The following OSGEPL1 variants were observed in gnomAD, a reference collection of about 807,000 sequenced individuals.
The protein encoded by OSGEPL1 is O-sialoglycoprotein endopeptidase like 1.
Under a neutral mutation model 37.2 loss-of-function variants are expected in OSGEPL1, and 26 were observed. That is an observed-to-expected ratio of 0.70 (90% CI 0.51 to 0.97). The LOEUF is 0.97. Among genes scored for constraint, OSGEPL1 ranks in the 50% least tolerant of loss-of-function variants. The pLI is 0.00. For synonymous variants in OSGEPL1, 140 were observed against 159.9 expected (o/e 0.88, Z 0.94); for missense variants, 404 against 487.0 (o/e 0.83, Z 1.60).
rs769668602 is a variant in OSGEPL1 at position 189,752,662 on chromosome 2, T to C, written c.1157A>G (p.Tyr386Cys). The part of the protein sequence containing the change: ...GILHDIEGIR[Y>C]EPKCPLGVDI... ...GAATGATACCACATACTTTGGTTCA[T>C]AGCGGATGCCTTCTATGTCATGTAA... The change falls in exon 7 of 9, where the codon TAT becomes TGT. Residue 386 changes from tyrosine to cysteine, a missense_variant. Tyr to Cys is a radical substitution (Grantham distance 194). Coordinates refer to ENST00000264151, the MANE Select transcript of OSGEPL1 (RefSeq NM_022353.3). 3 of 1,613,758 alleles carry C rather than the reference T, an allele frequency of 1.9e-6. No homozygotes were observed. Among genetic ancestry groups the C allele is most frequent in the South Asian group, 1.1e-5 (1 of 91,078 alleles).
chr2:189,759,063 C>G (rs1318051265), intron 2 of OSGEPL1, among the ~76,000 whole-genome samples: 1 of 152,158 alleles, frequency 6.6e-6, no homozygotes, highest in Non-Finnish European at 1.5e-5. Flanking sequence ...CCTTGTAGGT[C>G]TAGACATCAT....
rs1240051777 is a variant in OSGEPL1 at position 189,747,057 on chromosome 2, T to C, written c.*140A>G. 2 of 154,564 alleles carry C rather than the reference T, an allele frequency of 1.3e-5. No homozygotes were observed. The highest frequency in any genetic ancestry group is 1.9e-4 in the East Asian group (1 of 5,318). The allele number at this position is 154,564 out of a possible 1,614,324, so 9.6% of individuals were successfully genotyped here. A position where few individuals can be genotyped will look rare whatever the true frequency, so the allele number is the denominator to read the frequency against. ...TGTATACCTTAAGAAACATTTTGGC[T>C]AGGCATGGTGGCTCACACCCATAAT... On this transcript the variant is annotated 3_prime_UTR_variant, in exon 9 of 9. Coordinates refer to ENST00000264151, the MANE Select transcript of OSGEPL1 (RefSeq NM_022353.3).
At chr2:189,756,145 G>A (rs776319348) in intron 2 of OSGEPL1, among the ~76,000 whole-genome samples, 22 of 152,146 alleles carry the variant, frequency 1.4e-4, no homozygotes, top group Non-Finnish European at 2.8e-4. Context: ...TAAAGACGAC[G>A]AGTTTATTTT....
At chr2:189,760,698 GGGGAATC>G (rs2046913067) in intron 2 of OSGEPL1, among the ~76,000 whole-genome samples, 3 of 91,508 alleles carry the variant, frequency 3.3e-5, no homozygotes, top group African/African-American at 1.6e-4. Flanking sequence ...GGCTGAGACA[GGGGAATC>G]GTTTGAACTC....
chr2:189,760,079 G>A lies in OSGEPL1; in HGVS notation c.221+1341C>T, dbSNP rs183123398. On this transcript the variant is annotated intron_variant, in intron 2 of 8. Coordinates refer to ENST00000264151, the MANE Select transcript of OSGEPL1 (RefSeq NM_022353.3). ...TCAGAGAGCACGGGGTTGGGGGTAA[G>A]GTTATAGATCAACAGCATCCCAAGG... Among the ~76,000 whole-genome samples the A allele has an allele frequency of 1.4e-4, 22 of 152,274 alleles. No homozygotes were observed. In the East Asian group the frequency reaches 4.1e-3, roughly 28 times the overall value.
At chr2:189,751,890 C>T (rs1021382841) in intron 7 of OSGEPL1, among the ~76,000 whole-genome samples, 1 of 151,660 alleles carries the variant, frequency 6.6e-6, no homozygotes, top group South Asian at 2.1e-4. Flanking sequence ...TCACACCTGT[C>T]ATCCCAGCAT....
rs761943403 is a variant in OSGEPL1 at position 189,752,704 on chromosome 2, C to G, written c.1115G>C (p.Arg372Pro). The change falls in exon 7 of 9, where the codon CGT becomes CCT. Residue 372 changes from arginine (R) to proline (P), a missense_variant. By Grantham distance (103) the Arg-to-Pro change is moderately radical. Coordinates refer to ENST00000264151, the MANE Select transcript of OSGEPL1 (RefSeq NM_022353.3). ...GTCATGTAAAATGCCCAAGCCAGCA[C>G]GTAGTCTTTCAATACCATTCCTAAA... ...MIAWNGIERL[R>P]AGLGILHDIE... is the part of the protein sequence containing the mutation. 1 of 1,613,820 alleles carries G rather than the reference C, an allele frequency of 6.2e-7. No homozygotes were observed.
Position 189,750,566 on chromosome 2 carries a change from G to T in OSGEPL1, c.*12C>A. Reference sequence around the variant, plus strand: ...TAATACTACCTTTAGGGACTTTTTTGAACAGCAGAAATCATATCTCCATTT... The same window carrying T: ...TAATACTACCTTTAGGGACTTTTTTTAACAGCAGAAATCATATCTCCATTT... On this transcript the variant is annotated 3_prime_UTR_variant, in exon 8 of 9. Transcript: ENST00000264151. The T allele has an allele frequency of 1.3e-6, 2 of 1,482,500 alleles. No individual in the cohort carries two copies. Among genetic ancestry groups the T allele is most frequent in the Non-Finnish European group, 1.9e-6 (2 of 1,078,190 alleles). 91.8% of individuals were successfully genotyped at this position (1,482,500 alleles called of 1,614,324 possible).
In OSGEPL1 at chr2:189,761,469, C is replaced by T. The variant is rs543231706; in HGVS notation, c.172G>A (p.Gly58Arg). ...TGTATTGCTTCTCCCAACACATTTC[C>T]AGTTTCATCCACCACAGCAGCTGCT... The part of the protein sequence containing the change: ...DTAAAVVDET[G>R]NVLGEAIHSQ... Residue 58 changes from glycine to arginine, a missense_variant, in exon 2 of 9, where the codon GGA (glycine) becomes AGA (arginine). Coordinates refer to ENST00000264151, the MANE Select transcript of OSGEPL1 (RefSeq NM_022353.3). 4 of 1,612,264 alleles carry T rather than the reference C, an allele frequency of 2.5e-6. No individual in the cohort carries two copies. Among genetic ancestry groups the T allele is most frequent in the Admixed American group, 3.3e-5 (2 of 59,746 alleles).
At chr2:189,758,500 C>T (rs1353819978) in intron 2 of OSGEPL1, among the ~76,000 whole-genome samples, 1 of 152,194 alleles carries the variant, frequency 6.6e-6, no homozygotes, top group African/African-American at 2.4e-5. Flanking sequence ...TGGGCCTCCC[C>T]AGAAGCAGAT....
chr2:189,754,400 A>G (rs2045752888), intron 3 of OSGEPL1, 55 bp from the exon 4 acceptor site: 1 of 1,452,020 alleles, frequency 6.9e-7, no homozygotes, highest in South Asian at 1.3e-5. Context: ...TGAAACGAAA[A>G]GATGCAAAGG....
chr2:189,759,981 A>C (rs2046748994), intron 2 of OSGEPL1, among the ~76,000 whole-genome samples: 1 of 152,138 alleles, frequency 6.6e-6, no homozygotes, highest in Non-Finnish European at 1.5e-5. Flanking sequence ...TGCTGCCTTC[A>C]AGCATCTGTC....
At chr2:189,749,128 C>T (rs967425707) in intron 8 of OSGEPL1, among the ~76,000 whole-genome samples, 1 of 151,518 alleles carries the variant, frequency 6.6e-6, no homozygotes, top group Non-Finnish European at 1.5e-5. Context: ...TGCCTGTAGT[C>T]CCAGCTACTC....
In OSGEPL1 at chr2:189,755,356, G is replaced by T. The variant is rs2045935788; in HGVS notation, c.426C>A (p.Phe142Leu). Residue 142 changes from phenylalanine to leucine, a missense_variant, in exon 3 of 9, where the codon TTC becomes TTA. Phe to Leu is a conservative substitution (Grantham distance 22). Coordinates refer to ENST00000264151, the MANE Select transcript of OSGEPL1 (RefSeq NM_022353.3). ...GAGCCTCCATATGATGAATGGGAAT[G>T]AATGGCTTTTTTAACTGTCCTACCA... ...LQLVGQLKKPFIPIHHMEAHA... is the reference protein window; with the variant it reads ...LQLVGQLKKPLIPIHHMEAHA... 2 of 1,613,438 alleles carry T rather than the reference G, an allele frequency of 1.2e-6. No homozygotes were observed. The highest frequency in any genetic ancestry group is 1.7e-6 in the Non-Finnish European group (2 of 1,179,720).
chr2:189,755,421 C>G lies in OSGEPL1; in HGVS notation c.361G>C (p.Ala121Pro). 6.2e-7 allele frequency: 1 copy of G among 1,609,798 alleles called. No homozygotes were observed. The highest frequency in any genetic ancestry group is 1.3e-5 in the African/African-American group (1 of 74,684). Residue 121 changes from alanine (A) to proline (P), a missense_variant, in exon 3 of 9, where the codon GCT (alanine) becomes CCT (proline). Ala to Pro is a conservative substitution (Grantham distance 27). Coordinates refer to ENST00000264151, the MANE Select transcript of OSGEPL1 (RefSeq NM_022353.3). ...AIATTIKPGL[A>P]LSLGVGLSFS... ...GATAAGCCCACTCCCAGGCTTAAAG[C>G]AAGTCCTGGTTTTATGGTAGTTGCA...
At position 189,750,594 on chromosome 2, in the gene OSGEPL1, A is replaced by T. The variant is rs539684034; in HGVS notation, c.1229T>A (p.Leu410Ter). ...CAGCAGAAATCATATCTCCATTTTT[A>T]ATTGTGGTACTTTTATGGAAGCTTC... ...VGEASIKVPQ[L>*]KMEI Residue 410 changes from leucine to a stop codon, truncating the protein, a stop_gained, in exon 8 of 9, where the codon TTA (leucine) becomes TAA (stop). Coordinates refer to ENST00000264151, the MANE Select transcript of OSGEPL1 (RefSeq NM_022353.3). LOFTEE classifies it high-confidence loss of function. 2.5e-6 allele frequency: 4 copies of T among 1,581,494 alleles called. No homozygotes were observed. The South Asian group carries it at 3.5e-5, about 14-fold the overall frequency.
Position 189,750,648 on chromosome 2 carries a change from A to C in OSGEPL1, c.1175T>G (p.Leu392Arg). The C allele has an allele frequency of 6.3e-7, 1 of 1,581,588 alleles. No individual in the cohort carries two copies. The highest frequency in any genetic ancestry group is 8.6e-7 in the Non-Finnish European group (1 of 1,164,236). Residue 392 changes from leucine to arginine, a missense_variant, in exon 8 of 9, where the codon CTT becomes CGT. Coordinates refer to ENST00000264151, the MANE Select transcript of OSGEPL1 (RefSeq NM_022353.3). The part of the protein sequence containing the change: ...EGIRYEPKCP[L>R]GVDISKEVGE... ...AACTTCTTTTGATATGTCTACTCCA[A>C]GAGGACATCTACATCATAAGCAGAC...
chr2:189,754,892 G>A (rs371742249), intron 3 of OSGEPL1: 45 of 373,320 alleles, frequency 1.2e-4, no homozygotes, highest in African/African-American at 7.5e-4. Flanking sequence ...TACGAAGCAC[G>A]TTCTTTCACA....
intron 2 of OSGEPL1, among the ~76,000 whole-genome samples, chr2:189,758,296 G>A (rs950032781): frequency 4.8e-4 from 73 of 152,196 alleles, no homozygotes; most frequent in African/African-American, 1.4e-3. Context: ...GGGGAGAATC[G>A]CTTGAACCCG....
Sources: gnomAD v4.1 joint callset for allele counts (sites outside exome capture counted in the v4.1 genomes callset) on GRCh38, gnomAD v4.1.1 for gene constraint, MANE v1.5 for transcripts, NCBI Gene and HGNC (gene_info 2026-07-23, HGNC 2026-07-21) for gene names.